The following CTNNA2 variants were observed in gnomAD, a reference collection of about 807,000 sequenced individuals.
The protein encoded by CTNNA2 is catenin alpha-2.
In CTNNA2, 42 loss-of-function variants were observed where a neutral mutation model predicts 101.0. The ratio of observed to expected loss-of-function variants is 0.42; its 90% CI spans 0.32 to 0.54. The LOEUF is 0.54. CTNNA2 is among the 20% of genes least tolerant of loss of function. The probability of loss-of-function intolerance (pLI) is 0.14; values close to 1 mark genes in which losing one functional copy is unlikely to be tolerated. For missense variants in CTNNA2, 871 were observed against 1,223.1 expected (o/e 0.71, Z 4.29); for synonymous variants, 450 against 456.4 (o/e 0.99, Z 0.18).
At chr2:79,598,578 C>G (rs1375479314) in intron 1 of CTNNA2, among the ~76,000 whole-genome samples, 1 of 152,208 alleles carries the variant, frequency 6.6e-6, no homozygotes, top group Non-Finnish European at 1.5e-5. Context: ...AGCATCTTTT[C>G]ATATGCTTAT....
chr2:79,576,267 C>A (rs1454669303), intron 1 of CTNNA2, among the ~76,000 whole-genome samples: 3 of 152,024 alleles, frequency 2.0e-5, no homozygotes, highest in Non-Finnish European at 2.9e-5. Context: ...ATCGAATTTA[C>A]CTGAGAGAAG....
chr2:80,051,010 G>A (rs969462315), intron 7 of CTNNA2, among the ~76,000 whole-genome samples: 1 of 152,192 alleles, frequency 6.6e-6, no homozygotes, highest in Middle Eastern at 3.2e-3. Flanking sequence ...ACAGGCGTGA[G>A]CCATGACACC....
At chr2:80,276,019 A>C (rs1438719561) in intron 7 of CTNNA2, among the ~76,000 whole-genome samples, 3 of 152,136 alleles carry the variant, frequency 2.0e-5, no homozygotes, top group African/African-American at 7.2e-5. Context: ...TAATGGAGGG[A>C]AATAATTTAG....
At chr2:79,654,737 T>A (rs1292092041) in intron 2 of CTNNA2, among the ~76,000 whole-genome samples, 1 of 152,186 alleles carries the variant, frequency 6.6e-6, no homozygotes, top group Non-Finnish European at 1.5e-5. Context: ...TTTTATGAGA[T>A]TCATGCATAT....
chr2:79,205,617 C>T (rs945487891), intron 2 of CTNNA2, among the ~76,000 whole-genome samples: 2 of 152,160 alleles, frequency 1.3e-5, no homozygotes, highest in African/African-American at 4.8e-5. Flanking sequence ...CACTTTTCAA[C>T]AGGAAAGTCT....
At chr2:80,083,325 G>T (rs2035517) in intron 7 of CTNNA2, among the ~76,000 whole-genome samples, 1 of 151,732 alleles carries the variant, frequency 6.6e-6, no homozygotes, top group Non-Finnish European at 1.5e-5. Flanking sequence ...ATTTTGTTAC[G>T]GGAACATTGT....
intron 3 of CTNNA2, among the ~76,000 whole-genome samples, chr2:79,838,679 C>G (rs1679569913): frequency 6.6e-6 from 1 of 152,010 alleles, no homozygotes; most frequent in Admixed American, 6.6e-5. Flanking sequence ...TTACACTAAG[C>G]ACTCTTGTAA....
At chr2:80,444,232 G>A (rs1235898565) in intron 9 of CTNNA2, among the ~76,000 whole-genome samples, 3 of 152,158 alleles carry the variant, frequency 2.0e-5, no homozygotes, top group Non-Finnish European at 4.4e-5. Flanking sequence ...ATAAGGATGG[G>A]AGCACTGCAT....
chr2:79,679,050 A>C (rs887249105), intron 2 of CTNNA2, among the ~76,000 whole-genome samples: 4 of 152,162 alleles, frequency 2.6e-5, no homozygotes, highest in African/African-American at 9.7e-5. Context: ...TACCCGTATG[A>C]TCTACTTTAC....
At chr2:79,534,913 A>C (rs1370573633) in intron 1 of CTNNA2, among the ~76,000 whole-genome samples, 1 of 151,584 alleles carries the variant, frequency 6.6e-6, no homozygotes, top group Admixed American at 6.6e-5. Flanking sequence ...AAAAAAAAAA[A>C]CTCCTGCAAA....
chr2:80,079,813 AAAAATAAAATAAAATAAATAAAATAAAAT>A (rs1204808263), intron 7 of CTNNA2, among the ~76,000 whole-genome samples: 9 of 101,144 alleles, frequency 8.9e-5, no homozygotes. Flanking sequence ...ACTCCGTCTC[AAAAATAAAATAAAATAAATAAAATAAAAT>A]AAAATAAAAT....
At chr2:80,266,592 C>T (rs1470663918) in intron 7 of CTNNA2, among the ~76,000 whole-genome samples, 1 of 152,194 alleles carries the variant, frequency 6.6e-6, no homozygotes, top group Non-Finnish European at 1.5e-5. Flanking sequence ...TTTTCCTATG[C>T]TAGGCTGACA....
intron 1 of CTNNA2, among the ~76,000 whole-genome samples, chr2:79,606,678 GC>G (rs1163776918): frequency 6.6e-6 from 1 of 152,156 alleles, no homozygotes; most frequent in Non-Finnish European, 1.5e-5. Flanking sequence ...AAATGTCAGT[GC>G]CCTATTTTAA....
At chr2:80,097,069 T>C (rs1220068613) in intron 7 of CTNNA2, among the ~76,000 whole-genome samples, 2 of 152,258 alleles carry the variant, frequency 1.3e-5, no homozygotes, top group African/African-American at 4.8e-5. Context: ...CAGGTTATTT[T>C]GCTCGTTAGT....
At chr2:80,552,564 G>C (rs917937214) in intron 11 of CTNNA2, among the ~76,000 whole-genome samples, 1 of 152,144 alleles carries the variant, frequency 6.6e-6, no homozygotes, top group Non-Finnish European at 1.5e-5. Context: ...ATTATATGTT[G>C]CTTGACGACA....
intron 2 of CTNNA2, among the ~76,000 whole-genome samples, chr2:79,279,171 A>T (rs551732329): frequency 6.6e-6 from 1 of 152,222 alleles, no homozygotes; most frequent in Admixed American, 6.5e-5. Flanking sequence ...ATCTATAAAA[A>T]CCCAGCCCTT....
intron 7 of CTNNA2, among the ~76,000 whole-genome samples, chr2:80,310,473 G>A (rs896813641): frequency 1.3e-5 from 2 of 152,270 alleles, no homozygotes; most frequent in East Asian, 3.9e-4. Flanking sequence ...TCCAAGGCAG[G>A]CAGAGTTGCA....
chr2:80,522,368 G>A (rs1359733799), intron 9 of CTNNA2, among the ~76,000 whole-genome samples: 1 of 152,210 alleles, frequency 6.6e-6, no homozygotes, highest in African/African-American at 2.4e-5. Context: ...GGGTCAGACA[G>A]TGGAGGACTT....
At chr2:80,048,043 G>T (rs1405553875) in intron 7 of CTNNA2, among the ~76,000 whole-genome samples, 2 of 152,102 alleles carry the variant, frequency 1.3e-5, no homozygotes, top group Non-Finnish European at 2.9e-5. Context: ...TAACCAAAGA[G>T]GAGGCCGCTA....
Sources: gnomAD v4.1 joint callset for allele counts (sites outside exome capture counted in the v4.1 genomes callset) on GRCh38, gnomAD v4.1.1 for gene constraint, MANE v1.5 for transcripts, NCBI Gene and HGNC (gene_info 2026-07-23, HGNC 2026-07-21) for gene names.